The following CLCN4 variants were observed in gnomAD, a reference collection of about 807,000 sequenced individuals.
The protein encoded by CLCN4 is Cl-/H+ antiporter 4.
Under a neutral mutation model 41.7 loss-of-function variants are expected in CLCN4, and 1 was observed. The ratio of observed to expected loss-of-function variants is 0.02; its 90% CI spans 0.01 to 0.11. CLCN4 has a LOEUF of 0.11. CLCN4 is among the 10% of genes least tolerant of loss of function. CLCN4 has a pLI of 1.00. For synonymous variants in CLCN4, 277 were observed against 285.8 expected (o/e 0.97, Z 0.31); for missense variants, 287 against 661.0 (o/e 0.43, Z 6.20).
rs765998376 is a variant in CLCN4, at chrX:10,187,689, G to C, written c.244+75G>C. ...ACCTCAAAACACGAACCCTCTGGGA[G>C]ATTTGGAATATAGCGCGTGTCGCTT... On this transcript the variant is annotated intron_variant, in intron 4 of 12. Transcript: ENST00000380833. 1.3e-3 allele frequency: 1,074 copies of C among 802,594 alleles called. 2 individuals are homozygous for C. Among genetic ancestry groups the C allele is most frequent in the Non-Finnish European group, 1.8e-3 (962 of 528,274 alleles). 66.1% of individuals were successfully genotyped at this position (802,594 alleles called of 1,213,427 possible).
intron 6 of CLCN4, among the ~76,000 whole-genome samples, chrX:10,205,301 A>G (rs758751532): frequency 3.5e-4 from 38 of 109,843 alleles, no homozygotes; most frequent in Admixed American, 1.6e-3. Flanking sequence ...GTGAAACCCC[A>G]TCTCTACTAA....
chrX:10,181,364 A>AG (rs764668063), intron 2 of CLCN4, among the ~76,000 whole-genome samples: 17 of 62,109 alleles, frequency 2.7e-4, no homozygotes, highest in Non-Finnish European at 4.1e-4. Flanking sequence ...GAAAAAAAAA[A>AG]GAAAGAAAAG....
rs1925232731 is a variant in CLCN4 at position 10,235,737 on chromosome X, C to T, written c.*2153C>T. On this transcript the variant is annotated 3_prime_UTR_variant, in exon 13 of 13. Transcript: ENST00000380833. ...AATTTTAAGTCAGATCATGCTGACA[C>T]AATAAGAAAATTTGTTTGTGTAATT... 1 of 112,404 alleles carries T rather than the reference C, an allele frequency of 8.9e-6. No individual in the cohort carries two copies. Among genetic ancestry groups the T allele is most frequent in the South Asian group, 3.6e-4 (1 of 2,761 alleles). The allele number at this position is 112,404 out of a possible 1,213,427, so 9.3% of individuals were successfully genotyped here. A position where few individuals can be genotyped will look rare whatever the true frequency, so the allele number is the denominator to read the frequency against.
Position 10,169,892 on chromosome X carries a change from G to A in CLCN4, c.-12+11341G>A, listed in dbSNP as rs910001518. Among the ~76,000 whole-genome samples the A allele has an allele frequency of 3.7e-5, 4 of 107,152 alleles. No individual in the cohort carries two copies. In the East Asian group the frequency reaches 1.2e-3, roughly 31 times the overall value. The allele number at this position is 107,152 out of a possible 115,157, so 93.0% of individuals were successfully genotyped here. A position where few individuals can be genotyped will look rare whatever the true frequency, so the allele number is the denominator to read the frequency against. On this transcript the variant is annotated intron_variant, in intron 2 of 12. Transcript: ENST00000380833. ...CAAGCTCCGCCTCCTGGATTCAAGC[G>A]ATTCTCCTGCCTCAGCCTCCTAAGT... is the stretch of plus-strand genomic sequence containing the variant.
chrX:10,170,843 G>C (rs1436549803), intron 2 of CLCN4, among the ~76,000 whole-genome samples: 1 of 112,519 alleles, frequency 8.9e-6, no homozygotes, highest in African/African-American at 3.2e-5. Context: ...CTTTTGTTAG[G>C]GGACTGATGT....
intron 9 of CLCN4, among the ~76,000 whole-genome samples, 192 bp downstream of exon 9, chrX:10,208,782 G>T (rs761142659): frequency 1.2e-4 from 13 of 112,005 alleles, no homozygotes; most frequent in Admixed American, 1.1e-3. Context: ...TTATGAAATA[G>T]AGATTTTAAT....
chrX:10,214,620 G>C (rs1295914038), intron 11 of CLCN4, among the ~76,000 whole-genome samples: 8 of 112,870 alleles, frequency 7.1e-5, no homozygotes, highest in African/African-American at 2.6e-4. Context: ...AGATTCCACA[G>C]TTAGAGGCCC....
At chrX:10,176,199 G>A in intron 2 of CLCN4, among the ~76,000 whole-genome samples, 1 of 112,273 alleles carries the variant, frequency 8.9e-6, no homozygotes, top group Non-Finnish European at 1.9e-5. Context: ...GGTGAGGGCC[G>A]CAAATGTGCT....
At chrX:10,183,464 A>T (rs1313039686) in intron 2 of CLCN4, among the ~76,000 whole-genome samples, 2 of 112,430 alleles carry the variant, frequency 1.8e-5, no homozygotes, top group Admixed American at 9.4e-5. Context: ...TGTTTTTATA[A>T]CCACCCTTCA....
At chrX:10,197,506 G>A (rs1302462915) in intron 5 of CLCN4, among the ~76,000 whole-genome samples, 4 of 111,034 alleles carry the variant, frequency 3.6e-5, no homozygotes, top group East Asian at 5.6e-4. Context: ...TTGGCAGTGC[G>A]GGTGCTTGCT....
At chrX:10,187,708 G>A (rs1001369161) in intron 4 of CLCN4, 94 bp downstream of exon 4, 4 of 660,356 alleles carry the variant, frequency 6.1e-6, no homozygotes, top group Middle Eastern at 4.0e-4. Context: ...TATAGCGCGT[G>A]TCGCTTGTCG....
chrX:10,193,545 G>A (rs1429187269), intron 4 of CLCN4, among the ~76,000 whole-genome samples: 1 of 111,516 alleles, frequency 9.0e-6, no homozygotes, highest in Admixed American at 9.5e-5. Flanking sequence ...TGGAAGCCAC[G>A]GGAAGAGGTG....
intron 6 of CLCN4, among the ~76,000 whole-genome samples, chrX:10,204,554 T>C (rs756149817): frequency 9.5e-6 from 1 of 104,921 alleles, no homozygotes; most frequent in African/African-American, 3.4e-5. Context: ...GTCAATATAT[T>C]AGGCCTTGGA....
chrX:10,203,166 A>G (rs1195156764), intron 6 of CLCN4, among the ~76,000 whole-genome samples: 1 of 112,386 alleles, frequency 8.9e-6, no homozygotes, highest in Non-Finnish European at 1.9e-5. Context: ...TCTAAATGGT[A>G]TTACGCTTTT....
intron 6 of CLCN4, among the ~76,000 whole-genome samples, chrX:10,200,544 G>A (rs1414083731): frequency 2.7e-5 from 3 of 112,276 alleles, no homozygotes; most frequent in Non-Finnish European, 5.6e-5. Context: ...TAGATGTGTG[G>A]CTCAGCTGGT....
chrX:10,189,758 A>G (rs1007170787), intron 4 of CLCN4, among the ~76,000 whole-genome samples: 10 of 112,094 alleles, frequency 8.9e-5, no homozygotes, highest in African/African-American at 3.2e-4. Flanking sequence ...GTAGGCCCAC[A>G]GCATCTCCGC....
chrX:10,195,056 C>G lies in CLCN4; in HGVS notation c.390C>G (p.Pro130=). ...ETTFEDRDKC[P]LWQKWSELLV... is the part of the protein sequence containing the mutation. ...CTTTTGAGGACAGAGACAAGTGTCCCCTGTGGCAGAAATGGTCGGAGCTGC... is the reference window on the plus strand; with the variant it reads ...CTTTTGAGGACAGAGACAAGTGTCCGCTGTGGCAGAAATGGTCGGAGCTGC... The change falls in exon 5 of 13, where the codon CCC becomes CCG. Residue 130 remains proline, a synonymous_variant. Coordinates refer to ENST00000380833, the MANE Select transcript of CLCN4 (RefSeq NM_001830.4). The G allele has an allele frequency of 8.3e-7, 1 of 1,211,487 alleles. No individual in the cohort carries two copies. The highest frequency in any genetic ancestry group is 1.1e-6 in the Non-Finnish European group (1 of 895,364).
Position 10,216,373 on chromosome X carries a change from G to C in CLCN4, c.1975+2294G>C, listed in dbSNP as rs541728708. Among the ~76,000 whole-genome samples the C allele has an allele frequency of 1.3e-4, 14 of 111,759 alleles. No homozygotes were observed. The South Asian group carries it at 4.8e-3, about 39-fold the overall frequency. On this transcript the variant is annotated intron_variant, in intron 11 of 12. Transcript: ENST00000380833. ...TCTTCACCATCACATACTAGCACAC[G>C]GGGCTGTATGCGACTCTTGCTCAAG...
intron 4 of CLCN4, 92 bp downstream of exon 4, chrX:10,187,706 G>T (rs753535611): frequency 4.3e-6 from 3 of 696,761 alleles, no homozygotes; most frequent in Non-Finnish European, 6.8e-6. Context: ...AATATAGCGC[G>T]TGTCGCTTGT....
Sources: allele counts gnomAD v4.1 joint callset (sites outside exome capture counted in the v4.1 genomes callset), GRCh38; gene constraint gnomAD v4.1.1; transcripts MANE v1.5; gene names NCBI Gene and HGNC (gene_info 2026-07-23, HGNC 2026-07-21).